DKK4: variants seen among roughly 807,000 people sequenced by gnomAD.
The protein encoded by DKK4 is dickkopf-related protein 4.
A neutral mutation model predicts 14.5 loss-of-function variants in DKK4; 15 were observed. The observed-to-expected ratio is 1.03, with a 90% confidence interval of 0.69 to 1.59. The LOEUF (loss-of-function observed/expected upper bound fraction) is 1.59, where lower values mean the gene tolerates loss of function less well. Among genes scored for constraint, DKK4 ranks in the 40% most tolerant of loss-of-function variants. The probability of loss-of-function intolerance (pLI) is 0.00; values close to 1 mark genes in which losing one functional copy is unlikely to be tolerated. For synonymous variants in DKK4, 89 were observed against 105.2 expected (o/e 0.85, Z 0.94); for missense variants, 272 against 280.3 (o/e 0.97, Z 0.21).
the DKK4 span, among the ~76,000 whole-genome samples, chr8:42,390,545 A>G: frequency 3.3e-5 from 5 of 150,866 alleles, no homozygotes; most frequent in Non-Finnish European, 7.4e-5. Context: ...TTGTATTTTT[A>G]GTAGAGGCGG....
chr8:42,389,902 T>C, the DKK4 span, among the ~76,000 whole-genome samples: 4 of 152,142 alleles, frequency 2.6e-5, no homozygotes, highest in Non-Finnish European at 5.9e-5. Flanking sequence ...GAATTTTTTT[T>C]TTTTTTTTAG....
intron 1 of DKK4, 23 bp downstream of exon 1, chr8:42,376,912 G>T: frequency 6.3e-7 from 1 of 1,596,180 alleles, no homozygotes; most frequent in Non-Finnish European, 8.6e-7. Context: ...CCCGTACCTC[G>T]CCCCCCTCCC....
At chr8:42,390,143 C>T in the DKK4 span, among the ~76,000 whole-genome samples, 26 of 152,270 alleles carry the variant, frequency 1.7e-4, no homozygotes, top group East Asian at 4.8e-3. Flanking sequence ...ATCCGCCCCC[C>T]TCGGCCTCCC....
At chr8:42,390,615 T>G in the DKK4 span, among the ~76,000 whole-genome samples, 6 of 151,914 alleles carry the variant, frequency 3.9e-5, no homozygotes, top group African/African-American at 7.3e-5. Context: ...CGCCCGCCTC[T>G]GCCTCCCAAA....
At chr8:42,384,575 G>A in the DKK4 span, among the ~76,000 whole-genome samples, 1 of 152,118 alleles carries the variant, frequency 6.6e-6, no homozygotes, top group African/African-American at 2.4e-5. Flanking sequence ...CCTACCTTGA[G>A]TGTCGTCCAG....
upstream of DKK4, among the ~76,000 whole-genome samples, chr8:42,379,136 A>G (rs1024720455): frequency 1.5e-4 from 23 of 149,988 alleles, no homozygotes; most frequent in Non-Finnish European, 2.4e-4. Flanking sequence ...CTGTAATCCC[A>G]GCTACTCGGG....
In DKK4 at chr8:42,375,718, C is replaced by T. The variant is rs758663008; in HGVS notation, c.224G>A (p.Arg75Gln). Residue 75 changes from arginine (R) to glutamine (Q), a missense_variant, in exon 2 of 4, where the codon CGA becomes CAA. Coordinates refer to ENST00000220812, the MANE Select transcript of DKK4 (RefSeq NM_014420.3). ...TCRGLRRRCQRDAMCCPGTLC... is the reference protein window; with the variant it reads ...TCRGLRRRCQQDAMCCPGTLC... ...TGTCCCAGGGCAGCACATGGCATCT[C>T]GCTGGCACCTCCTCCGCAACCCACG... The T allele has an allele frequency of 1.6e-5, 26 of 1,613,708 alleles. No individual in the cohort carries two copies. The highest frequency in any genetic ancestry group is 7.7e-5 in the South Asian group (7 of 91,064).
the DKK4 span, among the ~76,000 whole-genome samples, chr8:42,389,359 A>C: frequency 2.6e-5 from 4 of 152,226 alleles, no homozygotes; most frequent in African/African-American, 9.6e-5. Context: ...AAGACCACAG[A>C]GTTGGCAAAG....
At chr8:42,389,770 T>G in the DKK4 span, among the ~76,000 whole-genome samples, 14 of 152,246 alleles carry the variant, frequency 9.2e-5, no homozygotes, top group Non-Finnish European at 8.8e-5. Flanking sequence ...TATTTGCTTT[T>G]TCTTTTTTTC....
At chr8:42,390,571 G>A in the DKK4 span, among the ~76,000 whole-genome samples, 1 of 151,194 alleles carries the variant, frequency 6.6e-6, no homozygotes, top group Non-Finnish European at 1.5e-5. Context: ...CACTGTGTTA[G>A]CCAGGATGGT....
At chr8:42,377,375 GAA>G (rs1824585328), upstream of DKK4, 2 of 252,916 alleles carry the variant, frequency 7.9e-6, no homozygotes, top group Non-Finnish European at 1.5e-5. Context: ...TAGAAGGAGA[GAA>G]GAGGCAGGGC....
chr8:42,389,548 A>G, the DKK4 span, among the ~76,000 whole-genome samples: 2,777 of 152,254 alleles, frequency 0.018, 88 homozygotes, highest in African/African-American at 0.061. Flanking sequence ...AACTTCAAAT[A>G]CCTTTCACAC....
At chr8:42,375,520 A>G (rs1824539405) in intron 2 of DKK4, among the ~76,000 whole-genome samples, 160 bp downstream of exon 2, 1 of 142,862 alleles carries the variant, frequency 7.0e-6, no homozygotes, top group Admixed American at 7.0e-5. Context: ...TCCGCCTCAG[A>G]AAAAAAAAAA....
the DKK4 span, among the ~76,000 whole-genome samples, chr8:42,391,063 C>G: frequency 2.0e-5 from 3 of 152,196 alleles, no homozygotes; most frequent in Non-Finnish European, 2.9e-5. Context: ...GTCTTCTCCT[C>G]TACAGAAGAG....
chr8:42,389,671 A>G, the DKK4 span, among the ~76,000 whole-genome samples: 1 of 152,232 alleles, frequency 6.6e-6, no homozygotes, highest in South Asian at 2.1e-4. Context: ...TTCAAAAAAA[A>G]TTTTAAACTC....
chr8:42,387,275 T>C, the DKK4 span, among the ~76,000 whole-genome samples: 1 of 146,958 alleles, frequency 6.8e-6, no homozygotes, highest in Non-Finnish European at 1.5e-5. Flanking sequence ...GATAGCAGTG[T>C]GGGTGGGAAA....
intron 1 of DKK4, 143 bp downstream of exon 1, chr8:42,376,792 T>G: frequency 1.6e-6 from 1 of 644,430 alleles, no homozygotes; most frequent in East Asian, 2.7e-5. Context: ...CCTACCAGGA[T>G]GCCCTCCCAA....
At chr8:42,388,681 C>T in the DKK4 span, among the ~76,000 whole-genome samples, 2 of 151,972 alleles carry the variant, frequency 1.3e-5, no homozygotes, top group African/African-American at 4.8e-5. Flanking sequence ...AGTGATTCTC[C>T]TCCCTCAGCC....
chr8:42,383,121 A>C, the DKK4 span, among the ~76,000 whole-genome samples: 1 of 152,234 alleles, frequency 6.6e-6, no homozygotes, highest in Non-Finnish European at 1.5e-5. Context: ...ATCAAATAAA[A>C]GATGAGAAGG....
Sources: gnomAD v4.1 joint callset for allele counts (sites outside exome capture counted in the v4.1 genomes callset) on GRCh38, gnomAD v4.1.1 for gene constraint, MANE v1.5 for transcripts, NCBI Gene and HGNC (gene_info 2026-07-23, HGNC 2026-07-21) for gene names.